PRDM16: variants seen among roughly 807,000 people sequenced by gnomAD.
PRDM16 encodes histone-lysine N-methyltransferase PRDM16.
PRDM16 carries 23 observed loss-of-function variants against 110.6 expected under a neutral mutation model. The observed-to-expected ratio is 0.21, with a 90% confidence interval of 0.15 to 0.29. PRDM16 has a LOEUF of 0.29. Ranked by LOEUF, PRDM16 falls within the 10% of genes least tolerant of loss-of-function variation. PRDM16 has a pLI of 1.00. For missense variants in PRDM16, 1,615 were observed against 1,794.3 expected (o/e 0.90, Z 1.81); for synonymous variants, 799 against 781.8 (o/e 1.02, Z -0.37).
At position 3,390,208 on chromosome 1, in the gene PRDM16, G is replaced by A. The variant is rs1035874218; in HGVS notation, c.573+4922G>A. Among the ~76,000 whole-genome samples, 1 of 152,132 alleles carries A rather than the reference G, an allele frequency of 6.6e-6. No homozygotes were observed. The highest frequency in any genetic ancestry group is 1.5e-5 in the Non-Finnish European group (1 of 68,018). On this transcript the variant is annotated intron_variant, in intron 4 of 16. Transcript: ENST00000270722. This position sits in a 1 kb window ranked among gnomAD's most constrained non-coding sequence, Gnocchi z 5.0. ...TCACAGCCGGCGCTTTCTGTTTTTT[G>A]GTTTATCTTTTTCTCATGTTGCCTC...
chr1:3,207,093 C>T (rs929223576), intron 2 of PRDM16: 1 of 152,234 alleles, frequency 6.6e-6, no homozygotes, highest in African/African-American at 2.4e-5. Context: ...TGTCCTGGTG[C>T]GGGGAGCTTT....
chr1:3,257,581 T>C (rs995659758), intron 3 of PRDM16, among the ~76,000 whole-genome samples: 1 of 24,688 alleles, frequency 4.1e-5, no homozygotes, highest in Non-Finnish European at 7.0e-5. Context: ...AGAAGCTGTT[T>C]GTTACATTGG....
chr1:3,073,059 G>T (rs933543098), intron 1 of PRDM16, among the ~76,000 whole-genome samples: 1 of 152,252 alleles, frequency 6.6e-6, no homozygotes, highest in African/African-American at 2.4e-5. Context: ...TCCTGTGAGC[G>T]GCTCTTCCAG....
At chr1:3,289,877 A>G (rs995563884) in intron 3 of PRDM16, among the ~76,000 whole-genome samples, 9 of 149,648 alleles carry the variant, frequency 6.0e-5, no homozygotes, top group Admixed American at 1.3e-4. Context: ...CCGAGACCCC[A>G]CTCCTGCCCG....
intron 3 of PRDM16, among the ~76,000 whole-genome samples, chr1:3,303,349 T>G (rs1641246587): frequency 6.6e-6 from 1 of 152,192 alleles, no homozygotes; most frequent in South Asian, 2.1e-4. Context: ...CTGGCTTCTC[T>G]GCTCAGCATA....
rs1334514363 is a variant in PRDM16, at chr1:3,213,931, G to A, written c.387+27457G>A. Among the ~76,000 whole-genome samples the A allele has an allele frequency of 6.6e-6, 1 of 151,990 alleles. No individual in the cohort carries two copies. Among genetic ancestry groups the A allele is most frequent in the Non-Finnish European group, 1.5e-5 (1 of 68,024 alleles). Reference sequence around the variant, plus strand: ...TAACTCAGAAGCACGCGGGTGACAGGGTGTGGCCAGTGCACCAAGCAGAAC... The same window carrying A: ...TAACTCAGAAGCACGCGGGTGACAGAGTGTGGCCAGTGCACCAAGCAGAAC... On this transcript the variant is annotated intron_variant, in intron 2 of 16. Coordinates refer to ENST00000270722, the MANE Select transcript of PRDM16 (RefSeq NM_022114.4). This position sits in a 1 kb window ranked among gnomAD's most constrained non-coding sequence, Gnocchi z 5.3.
intron 6 of PRDM16, 74 bp from the exon 7 acceptor site, chr1:3,404,665 C>G (rs1182155477): frequency 6.3e-7 from 1 of 1,578,908 alleles, no homozygotes; most frequent in African/African-American, 1.4e-5. Context: ...TGGGAACAAG[C>G]TGTATGGTTG....
At chr1:3,160,930 C>T (rs771868575) in intron 1 of PRDM16, among the ~76,000 whole-genome samples, 1 of 152,210 alleles carries the variant, frequency 6.6e-6, no homozygotes, top group East Asian at 1.9e-4. Context: ...AGGATGCAGC[C>T]GGTGGCTTTC....
intron 3 of PRDM16, among the ~76,000 whole-genome samples, chr1:3,248,695 G>A (rs534017704): frequency 2.6e-5 from 4 of 152,334 alleles, no homozygotes; most frequent in African/African-American, 9.6e-5. Context: ...AAATGCTACA[G>A]GTCATAAAAG....
Position 3,290,804 on chromosome 1 carries a change from A to T in PRDM16, c.438+46667A>T, listed in dbSNP as rs1018483434. ...GGCCCTACGAGATCCCTGAAACGGG[A>T]TACGCCGAGCTGAACTTGGCCACAT... On this transcript the variant is annotated intron_variant, in intron 3 of 16. Transcript: ENST00000270722. The surrounding 1 kb of genome is among the most constrained non-coding windows in gnomAD (Gnocchi z 4.8). Among the ~76,000 whole-genome samples, 48 of 152,114 alleles carry T rather than the reference A, an allele frequency of 3.2e-4. No individual in the cohort carries two copies. Among genetic ancestry groups the T allele is most frequent in the African/African-American group, 1.1e-3 (44 of 41,484 alleles).
chr1:3,093,479 G>A (rs570395982), intron 1 of PRDM16, among the ~76,000 whole-genome samples: 2 of 152,348 alleles, frequency 1.3e-5, no homozygotes, highest in African/African-American at 4.8e-5. Flanking sequence ...TGGGGGCCCT[G>A]GAATCAAGTG....
Position 3,402,680 on chromosome 1 carries a change from G to A in PRDM16, c.677-111G>A, listed in dbSNP as rs78946683. On this transcript the variant is annotated intron_variant, in intron 5 of 16. Coordinates refer to ENST00000270722, the MANE Select transcript of PRDM16 (RefSeq NM_022114.4). ...GAAGCAGTGCAGGACTGGCCAGCCT[G>A]GGTGCAGGCCCTGAGGCACCGTGGT... 103,106 of 888,450 alleles carry A rather than the reference G, an allele frequency of 0.12. 6,738 individuals are homozygous for A. The highest frequency in any genetic ancestry group is 0.14 in the Non-Finnish European group (77,125 of 560,200). The allele number at this position is 888,450 out of a possible 1,614,324, so 55.0% of individuals were successfully genotyped here.
chr1:3,319,783 A>G (rs1641698448), intron 3 of PRDM16, among the ~76,000 whole-genome samples: 1 of 152,182 alleles, frequency 6.6e-6, no homozygotes, highest in Non-Finnish European at 1.5e-5. Context: ...CAGCCCTGGA[A>G]GCCATTGTTC....
chr1:3,377,878 T>TGCA (rs1643022413), intron 3 of PRDM16, among the ~76,000 whole-genome samples: 1 of 152,194 alleles, frequency 6.6e-6, no homozygotes, highest in Non-Finnish European at 1.5e-5. Context: ...ATCTGTTCGT[T>TGCA]CGTCTACCCA....
At chr1:3,429,758 T>C (rs1156574512) in intron 14 of PRDM16, among the ~76,000 whole-genome samples, 1 of 152,188 alleles carries the variant, frequency 6.6e-6, no homozygotes, top group Non-Finnish European at 1.5e-5. Flanking sequence ...CTGTCCGTCC[T>C]GGAAGGCAGA....
intron 3 of PRDM16, among the ~76,000 whole-genome samples, chr1:3,349,329 A>G (rs1642431105): frequency 6.6e-6 from 1 of 152,138 alleles, no homozygotes; most frequent in African/African-American, 2.4e-5. Context: ...GAGTGATAAA[A>G]GGGGCTTTGG....
At position 3,420,896 on chromosome 1, in the gene PRDM16, T is replaced by C. The variant is rs1638407375; in HGVS notation, c.2939+2152T>C. ...CTCTGGGAGGCTGCCCAGTGGAGCC[T>C]GGAGTCACAGCCTGGATGCGAGCAG... On this transcript the variant is annotated intron_variant, in intron 12 of 16. Coordinates refer to ENST00000270722, the MANE Select transcript of PRDM16 (RefSeq NM_022114.4). Among the ~76,000 whole-genome samples, 3 of 152,056 alleles carry C rather than the reference T, an allele frequency of 2.0e-5. No individual in the cohort carries two copies. The South Asian group carries it at 6.2e-4, about 32-fold the overall frequency.
chr1:3,360,969 G>A, intron 3 of PRDM16, among the ~76,000 whole-genome samples: 1 of 152,240 alleles, frequency 6.6e-6, no homozygotes, highest in Middle Eastern at 3.2e-3. Flanking sequence ...GGCGGCCGGA[G>A]TCTATGCACT....
chr1:3,195,414 A>G (rs1638449724), intron 2 of PRDM16, among the ~76,000 whole-genome samples: 1 of 152,192 alleles, frequency 6.6e-6, no homozygotes, highest in Non-Finnish European at 1.5e-5. Flanking sequence ...GCTCTCCTTT[A>G]CTTCCTTAAG....
Sources: allele counts gnomAD v4.1 joint callset (sites outside exome capture counted in the v4.1 genomes callset), GRCh38; gene constraint gnomAD v4.1.1; non-coding constraint Gnocchi (gnomAD v3.1); transcripts MANE v1.5; gene names NCBI Gene and HGNC (gene_info 2026-07-23, HGNC 2026-07-21).